PHTF2: variants seen among roughly 807,000 people sequenced by gnomAD.
The protein encoded by PHTF2 is protein PHTF2.
Under a neutral mutation model 101.2 loss-of-function variants are expected in PHTF2, and 60 were observed. The observed-to-expected ratio is 0.59, with a 90% confidence interval of 0.48 to 0.73. The LOEUF (loss-of-function observed/expected upper bound fraction) is 0.73, where lower values mean the gene tolerates loss of function less well. PHTF2 is among the 30% of genes least tolerant of loss of function. PHTF2 has a pLI of 0.00. For missense variants in PHTF2, 747 were observed against 908.7 expected, an observed-to-expected ratio of 0.82 and a Z score of 2.29; for synonymous variants, 311 against 307.3, an observed-to-expected ratio of 1.01 and a Z score of -0.13.
chr7:77,812,301 AAG>A (rs1269132016), intron 1 of PHTF2, among the ~76,000 whole-genome samples: 2 of 152,252 alleles, frequency 1.3e-5, no homozygotes, highest in African/African-American at 2.4e-5. Context: ...AATGTATTTG[AAG>A]AGAGATATAA....
intron 2 of PHTF2, among the ~76,000 whole-genome samples, chr7:77,854,520 C>G (rs756037859): frequency 6.6e-6 from 1 of 152,088 alleles, no homozygotes; most frequent in Admixed American, 6.6e-5. Flanking sequence ...GCTAGGCTTG[C>G]GTCCTTCCCT....
intron 11 of PHTF2, among the ~76,000 whole-genome samples, chr7:77,925,302 G>A (rs1374326613): frequency 6.6e-6 from 1 of 151,894 alleles, no homozygotes. Flanking sequence ...TTCAGTTTTA[G>A]GCGTCTAAAG....
At chr7:77,873,701 C>T (rs554359193) in intron 3 of PHTF2, among the ~76,000 whole-genome samples, 1 of 152,116 alleles carries the variant, frequency 6.6e-6, no homozygotes, top group African/African-American at 2.4e-5. Context: ...GCTGTTCCTT[C>T]TGGCAAAAAA....
intron 9 of PHTF2, among the ~76,000 whole-genome samples, chr7:77,919,031 C>T (rs1803197943): frequency 6.6e-6 from 1 of 152,166 alleles, no homozygotes; most frequent in Non-Finnish European, 1.5e-5. Flanking sequence ...AAAATCCTAA[C>T]AGGCAGTTTC....
chr7:77,939,161 T>G (rs1451096964), intron 13 of PHTF2, among the ~76,000 whole-genome samples: 5 of 152,222 alleles, frequency 3.3e-5, no homozygotes, highest in Non-Finnish European at 5.9e-5. Flanking sequence ...CTGGAAGCTT[T>G]TATATTGTCC....
At chr7:77,925,204 C>A (rs1205068632) in intron 11 of PHTF2, among the ~76,000 whole-genome samples, 1 of 152,066 alleles carries the variant, frequency 6.6e-6, no homozygotes, top group African/African-American at 2.4e-5. Context: ...TTTTTTAAAA[C>A]AATTTTCCTT....
intron 1 of PHTF2, among the ~76,000 whole-genome samples, chr7:77,835,907 G>A (rs899453876): frequency 1.3e-5 from 2 of 151,956 alleles, no homozygotes; most frequent in African/African-American, 2.4e-5. Flanking sequence ...ATCACCTGAG[G>A]TCCGGAGTTT....
At chr7:77,927,867 G>A (rs1290794135) in intron 11 of PHTF2, among the ~76,000 whole-genome samples, 2 of 152,130 alleles carry the variant, frequency 1.3e-5, no homozygotes, top group East Asian at 1.9e-4. Flanking sequence ...AAAAGGTTAC[G>A]GTATGTAGTG....
chr7:77,936,503 C>A (rs1345077558), intron 12 of PHTF2, among the ~76,000 whole-genome samples: 1 of 151,788 alleles, frequency 6.6e-6, no homozygotes, highest in East Asian at 1.9e-4. Flanking sequence ...GGTGAAACCC[C>A]GTCTCTACAA....
At chr7:77,883,163 C>T (rs570577964) in intron 3 of PHTF2, among the ~76,000 whole-genome samples, 1 of 152,124 alleles carries the variant, frequency 6.6e-6, no homozygotes, top group Non-Finnish European at 1.5e-5. Context: ...TGAGCAAAAT[C>T]AGTGAAAACC....
At chr7:77,852,026 G>A (rs922978924) in intron 2 of PHTF2, among the ~76,000 whole-genome samples, 7 of 151,970 alleles carry the variant, frequency 4.6e-5, no homozygotes, top group African/African-American at 1.7e-4. Flanking sequence ...GTTTCCAAAG[G>A]TTTTTTTGTG....
intron 3 of PHTF2, among the ~76,000 whole-genome samples, chr7:77,855,323 C>T (rs745922881): frequency 1.3e-5 from 2 of 152,232 alleles, no homozygotes; most frequent in Non-Finnish European, 2.9e-5. Flanking sequence ...TCTGTTGTGG[C>T]TCACCTGCTA....
At chr7:77,934,389 A>G (rs571754195) in intron 12 of PHTF2, among the ~76,000 whole-genome samples, 4 of 152,228 alleles carry the variant, frequency 2.6e-5, no homozygotes, top group Non-Finnish European at 4.4e-5. Context: ...GCTGAAATTC[A>G]GTTTTTAGTA....
At chr7:77,852,077 G>A (rs1796810267) in intron 2 of PHTF2, among the ~76,000 whole-genome samples, 2 of 152,182 alleles carry the variant, frequency 1.3e-5, no homozygotes, top group African/African-American at 4.8e-5. Context: ...CCAGGCTGCA[G>A]TGCAGTGGCA....
At chr7:77,956,325 A>G (rs1040318816) in exon 20 of PHTF2, 4 of 152,526 alleles carry the variant, frequency 2.6e-5, no homozygotes, top group African/African-American at 9.6e-5. Context: ...TAATCCCTAA[A>G]TCATAATCTT....
In PHTF2 at chr7:77,850,370, A is replaced by G. The variant is rs1201781351; in HGVS notation, c.46-4363A>G. ...AGCAAGACCTTGTCTCAAAAAAAAA[A>G]AAAAAAAAAAAAAAAGGCACGATGG... On this transcript the variant is annotated intron_variant, in intron 2 of 19. Coordinates refer to ENST00000416283, the Ensembl canonical transcript of PHTF2. Among the ~76,000 whole-genome samples, 6 of 147,760 alleles carry G rather than the reference A, an allele frequency of 4.1e-5. No individual in the cohort carries two copies. The East Asian group carries it at 1.2e-3, about 29-fold the overall frequency.
In PHTF2 at chr7:77,840,238, G is replaced by A. The variant is rs767329824; in HGVS notation, c.-18G>A. On this transcript the variant is annotated 5_prime_UTR_variant, in exon 2 of 20. In the 5' UTR this introduces an upstream ATG that the reference lacks. Coordinates refer to ENST00000416283, the Ensembl canonical transcript of PHTF2. ...TTGCACAGCCTAAAATGACCAATGTGTGATTTCAGTGGAATAAATGGCGTC... is the reference window on the plus strand; with the variant it reads ...TTGCACAGCCTAAAATGACCAATGTATGATTTCAGTGGAATAAATGGCGTC... 1.9e-6 allele frequency: 3 copies of A among 1,593,758 alleles called. No homozygotes were observed. The highest frequency in any genetic ancestry group is 1.1e-5 in the South Asian group (1 of 90,602).
intron 2 of PHTF2, among the ~76,000 whole-genome samples, chr7:77,840,813 A>C (rs1229842311): frequency 1.3e-5 from 2 of 152,066 alleles, no homozygotes; most frequent in Non-Finnish European, 2.9e-5. Context: ...AATAAGCTTT[A>C]CCAATGTAAT....
chr7:77,869,904 A>G (rs1263246523), intron 3 of PHTF2, among the ~76,000 whole-genome samples: 1 of 152,010 alleles, frequency 6.6e-6, no homozygotes, highest in Non-Finnish European at 1.5e-5. Flanking sequence ...AGAAATATCT[A>G]TGGCGATCTT....
Sources: gnomAD v4.1 joint callset for allele counts (sites outside exome capture counted in the v4.1 genomes callset) on GRCh38, gnomAD v4.1.1 for gene constraint, MANE v1.5 for transcripts, NCBI Gene and HGNC (gene_info 2026-07-23, HGNC 2026-07-21) for gene names.